The following EPHB2 variants were observed in gnomAD, a reference collection of about 807,000 sequenced individuals.
The protein encoded by EPHB2 is EPH receptor B2.
EPHB2 carries 18 observed loss-of-function variants against 96.4 expected under a neutral mutation model. The ratio of observed to expected loss-of-function variants is 0.19; its 90% confidence interval spans 0.13 to 0.28. The LOEUF is 0.28. Among genes scored for constraint, EPHB2 ranks in the 10% least tolerant of loss-of-function variants. The pLI is 1.00. For missense variants in EPHB2, 989 were observed against 1,355.4 expected (o/e 0.73, Z 4.25); for synonymous variants, 506 against 534.1 (o/e 0.95, Z 0.72).
chr1:22,787,983 C>T (rs1488836974), intron 3 of EPHB2, among the ~76,000 whole-genome samples: 2 of 152,192 alleles, frequency 1.3e-5, no homozygotes. Flanking sequence ...TGACATTCCC[C>T]AGAGTGAGAG....
At chr1:22,822,817 T>C (rs191824040) in intron 3 of EPHB2, among the ~76,000 whole-genome samples, 2 of 152,334 alleles carry the variant, frequency 1.3e-5, no homozygotes, top group East Asian at 3.9e-4. Context: ...CTCCACTCCC[T>C]GCCTTCCAAT....
At chr1:22,775,029 C>A in intron 1 of EPHB2, 1 of 647,052 alleles carries the variant, frequency 1.5e-6, no homozygotes, top group Non-Finnish European at 2.8e-6. Flanking sequence ...CAGTCTATGT[C>A]CCACTCCCCT....
chr1:22,741,649 T>G (rs1643903602), intron 1 of EPHB2, among the ~76,000 whole-genome samples: 1 of 140,822 alleles, frequency 7.1e-6, no homozygotes, highest in Non-Finnish European at 1.5e-5. Context: ...GCGGGTTATA[T>G]TTGCCTTGAC....
chr1:22,802,965 A>C (rs1214891462), intron 3 of EPHB2, among the ~76,000 whole-genome samples: 1 of 152,098 alleles, frequency 6.6e-6, no homozygotes, highest in Non-Finnish European at 1.5e-5. Flanking sequence ...ATGGAGCAGT[A>C]AGGACTATGG....
At chr1:22,782,277 G>T (rs542963729) in intron 2 of EPHB2, among the ~76,000 whole-genome samples, 1 of 152,280 alleles carries the variant, frequency 6.6e-6, no homozygotes, top group East Asian at 1.9e-4. Flanking sequence ...CTAACACAAT[G>T]CCTGGCATAG....
At chr1:22,817,508 T>C (rs921223864) in intron 3 of EPHB2, among the ~76,000 whole-genome samples, 5 of 152,218 alleles carry the variant, frequency 3.3e-5, no homozygotes, top group African/African-American at 1.2e-4. Context: ...GCCCACAGGC[T>C]CCTTCCTGTT....
At chr1:22,847,845 G>A (rs1425162374) in intron 3 of EPHB2, among the ~76,000 whole-genome samples, 2 of 152,160 alleles carry the variant, frequency 1.3e-5, no homozygotes, top group Admixed American at 6.5e-5. Context: ...ATGCTGTTCT[G>A]CCTGTCTGAA....
intron 1 of EPHB2, among the ~76,000 whole-genome samples, chr1:22,725,066 AC>A (rs1172183056): frequency 2.6e-5 from 4 of 151,624 alleles, no homozygotes; most frequent in African/African-American, 9.7e-5. Flanking sequence ...CCTTGGTGTC[AC>A]CTTGCACGCA....
intron 5 of EPHB2, among the ~76,000 whole-genome samples, chr1:22,874,934 G>C (rs745954625): frequency 5.3e-5 from 8 of 152,154 alleles, no homozygotes; most frequent in Non-Finnish European, 1.2e-4. Context: ...GGGTTAAACC[G>C]AGTTAACTGG....
intron 3 of EPHB2, among the ~76,000 whole-genome samples, chr1:22,830,567 CTTTT>C (rs1557700260): frequency 6.6e-6 from 1 of 152,144 alleles, no homozygotes; most frequent in Non-Finnish European, 1.5e-5. Context: ...ATATTCATTT[CTTTT>C]GTTTGTTTGT....
intron 3 of EPHB2, among the ~76,000 whole-genome samples, chr1:22,852,653 CT>C (rs1343166101): frequency 3.9e-5 from 6 of 152,322 alleles, no homozygotes; most frequent in Non-Finnish European, 4.4e-5. Flanking sequence ...GCTCACCAGC[CT>C]TTACAGACTG....
At chr1:22,783,093 T>G (rs1644557887) in intron 2 of EPHB2, among the ~76,000 whole-genome samples, 1 of 152,190 alleles carries the variant, frequency 6.6e-6, no homozygotes, top group Non-Finnish European at 1.5e-5. Flanking sequence ...GAGCTGGGAC[T>G]AGAACCCAGG....
chr1:22,862,967 G>A, intron 3 of EPHB2, 70 bp from the exon 4 acceptor site: 1 of 1,604,320 alleles, frequency 6.2e-7, no homozygotes. Flanking sequence ...CCTCCGTGAG[G>A]CTGCGTGGCT....
intron 1 of EPHB2, among the ~76,000 whole-genome samples, chr1:22,748,758 TTAAAA>T (rs1385903880): frequency 4.0e-5 from 6 of 150,350 alleles, no homozygotes; most frequent in East Asian, 3.9e-4. Context: ...ATATATGATA[TTAAAA>T]TAAAATAAAT....
rs118018142 is a variant in EPHB2, at chr1:22,887,363, G to A, written c.1428+4880G>A. Among the ~76,000 whole-genome samples the A allele has an allele frequency of 3.9e-5, 6 of 152,258 alleles. No individual in the cohort carries two copies. In the East Asian group the frequency reaches 1.2e-3, roughly 29 times the overall value. The stretch of plus-strand genomic sequence containing the variant: ...TACCTAACACAGGAATCCTCCTTGT[G>A]TCTGCTATTAGATTCTTTCCTGAAT... On this transcript the variant is annotated intron_variant, in intron 6 of 15. Coordinates refer to ENST00000374630, the MANE Select transcript of EPHB2 (RefSeq NM_017449.5).
chr1:22,809,330 T>C (rs1644971842), intron 3 of EPHB2, among the ~76,000 whole-genome samples: 1 of 152,182 alleles, frequency 6.6e-6, no homozygotes, highest in Non-Finnish European at 1.5e-5. Context: ...AGCAAGACAA[T>C]TAAGTGGAGC....
chr1:22,866,487 C>T (rs564329238), intron 5 of EPHB2, among the ~76,000 whole-genome samples: 1 of 152,226 alleles, frequency 6.6e-6, no homozygotes, highest in Admixed American at 6.5e-5. Flanking sequence ...TCATCTTGAA[C>T]TCCTGGCCTC....
At chr1:22,890,797 T>G (rs2148563296) in intron 6 of EPHB2, among the ~76,000 whole-genome samples, 1 of 152,264 alleles carries the variant, frequency 6.6e-6, no homozygotes, top group South Asian at 2.1e-4. Flanking sequence ...TATAAGGGGC[T>G]TTTCCCCCTT....
At position 22,858,381 on chromosome 1, in the gene EPHB2, A is replaced by C. The variant is rs1432622053; in HGVS notation, c.812-4656A>C. On this transcript the variant is annotated intron_variant, in intron 3 of 15. Coordinates refer to ENST00000374630, the MANE Select transcript of EPHB2 (RefSeq NM_017449.5). The surrounding 1 kb of genome is among the most constrained non-coding windows in gnomAD (Gnocchi z 7.7). The stretch of plus-strand genomic sequence containing the variant: ...CGCAGGTCTGATTCATTTTAAACAG[A>C]TCACTCCAGGGACTGTGGAAGATTG... Among the ~76,000 whole-genome samples, 1 of 152,120 alleles carries C rather than the reference A, an allele frequency of 6.6e-6. No individual in the cohort carries two copies. The highest frequency in any genetic ancestry group is 1.5e-5 in the Non-Finnish European group (1 of 68,012).
Sources: gnomAD v4.1 joint callset for allele counts (sites outside exome capture counted in the v4.1 genomes callset) on GRCh38, gnomAD v4.1.1 for gene constraint, Gnocchi (gnomAD v3.1) non-coding constraint, MANE v1.5 for transcripts, NCBI Gene and HGNC (gene_info 2026-07-23, HGNC 2026-07-21) for gene names.